Variants in ARHGAP39 observed in about 807,000 individuals in gnomAD.
ARHGAP39 encodes rho GTPase-activating protein 39.
A neutral mutation model predicts 106.9 loss-of-function variants in ARHGAP39; 44 were observed. That is an observed-to-expected ratio of 0.41 (90% CI 0.32 to 0.53). The LOEUF (loss-of-function observed/expected upper bound fraction) is 0.53, where lower values mean the gene tolerates loss of function less well. Ranked by LOEUF, ARHGAP39 falls within the 20% of genes least tolerant of loss-of-function variation. The probability of loss-of-function intolerance (pLI) is 0.21; values close to 1 mark genes in which losing one functional copy is unlikely to be tolerated. For synonymous variants in ARHGAP39, 768 were observed against 693.2 expected (o/e 1.11, Z -1.69); for missense variants, 1,496 against 1,577.3 (o/e 0.95, Z 0.87).
chr8:144,620,516 CGT>C (rs1445852673), intron 1 of ARHGAP39, among the ~76,000 whole-genome samples: 1 of 146,242 alleles, frequency 6.8e-6, no homozygotes, highest in Non-Finnish European at 1.5e-5. Context: ...CACGTGTGCC[CGT>C]GTGAGCCTGT....
intron 1 of ARHGAP39, among the ~76,000 whole-genome samples, chr8:144,675,496 C>T (rs1157425641): frequency 6.6e-6 from 1 of 152,148 alleles, no homozygotes; most frequent in Non-Finnish European, 1.5e-5. Context: ...TGCAGACCTT[C>T]GTGGTTAGTG....
At chr8:144,574,894 C>T (rs748998284) in intron 3 of ARHGAP39, among the ~76,000 whole-genome samples, 1 of 152,120 alleles carries the variant, frequency 6.6e-6, no homozygotes, top group Non-Finnish European at 1.5e-5. Flanking sequence ...CTGAGAAACA[C>T]GTCATCAGGC....
At chr8:144,566,979 G>A (rs891883236) in intron 3 of ARHGAP39, among the ~76,000 whole-genome samples, 1 of 152,056 alleles carries the variant, frequency 6.6e-6, no homozygotes. Flanking sequence ...ACAATGAAGT[G>A]GCAAAAAGGA....
At position 144,679,396 on chromosome 8, in the gene ARHGAP39, A is replaced by C. The variant is rs1278558028; in HGVS notation, c.-82+6290T>G. ...TCTGCCACTCTCTTGCCATAAAAAC[A>C]GCATGTGCCACATAAGGCCTGGTCC... On this transcript the variant is annotated intron_variant, in intron 1 of 11. Transcript: ENST00000377307. This position sits in a 1 kb window ranked among gnomAD's most constrained non-coding sequence, Gnocchi z 4.7. Among the ~76,000 whole-genome samples, 1 of 152,246 alleles carries C rather than the reference A, an allele frequency of 6.6e-6. No homozygotes were observed. Among genetic ancestry groups the C allele is most frequent in the Non-Finnish European group, 1.5e-5 (1 of 68,040 alleles).
intron 1 of ARHGAP39, among the ~76,000 whole-genome samples, chr8:144,676,387 G>C (rs772408934): frequency 5.3e-5 from 8 of 151,558 alleles, no homozygotes; most frequent in Non-Finnish European, 1.0e-4. Flanking sequence ...AGCACTGATT[G>C]GTGCGTTTAC....
At chr8:144,608,156 C>CA (rs60966946) in intron 1 of ARHGAP39, among the ~76,000 whole-genome samples, 1,823 of 95,356 alleles carry the variant, frequency 0.019, 31 homozygotes, top group African/African-American at 0.031. Flanking sequence ...GACTCTGTCT[C>CA]AAAAAAAAAA....
rs1342521909 is a variant in ARHGAP39 at position 144,630,453 on chromosome 8, A to G, written c.-81-24758T>C. 2.6e-5 allele frequency among the ~76,000 whole-genome samples: 4 copies of G among 152,234 alleles called. 1 individual carries two copies. Among genetic ancestry groups the G allele is most frequent in the Non-Finnish European group, 5.9e-5 (4 of 68,046 alleles). On this transcript the variant is annotated intron_variant, in intron 1 of 11. Transcript: ENST00000377307. ...CCCAGCCCTGGCCCCCAGCTTCTGC[A>G]GCCTCCTAAGGGTCTGGTCTCACCC...
chr8:144,605,748 A>G, intron 1 of ARHGAP39, 53 bp from the exon 2 acceptor site: 1 of 830,452 alleles, frequency 1.2e-6, no homozygotes. Context: ...TCACCACACC[A>G]ATCACCCGGC....
rs55945593 is a variant in ARHGAP39, at chr8:144,675,852, G to A, written c.-82+9834C>T. Reference sequence around the variant, plus strand: ...AAAGGCAGTGCATCTGGAGTTGTTCGTTCCCTCCGGTGGGTTCGTGGTCTT... The same window carrying A: ...AAAGGCAGTGCATCTGGAGTTGTTCATTCCCTCCGGTGGGTTCGTGGTCTT... On this transcript the variant is annotated intron_variant, in intron 1 of 11. Coordinates refer to ENST00000377307, the MANE Select transcript of ARHGAP39 (RefSeq NM_025251.3). 3.5e-4 allele frequency among the ~76,000 whole-genome samples: 53 copies of A among 151,466 alleles called. No homozygotes were observed. The East Asian group carries it at 8.4e-3, about 24-fold the overall frequency.
chr8:144,564,792 G>A (rs113462750), intron 3 of ARHGAP39, among the ~76,000 whole-genome samples: 1 of 150,602 alleles, frequency 6.6e-6, no homozygotes, highest in African/African-American at 2.5e-5. Flanking sequence ...ACCAGCCTGG[G>A]CAACATAGTG....
chr8:144,672,153 G>A (rs995940619), intron 1 of ARHGAP39, among the ~76,000 whole-genome samples: 2 of 152,212 alleles, frequency 1.3e-5, no homozygotes, highest in African/African-American at 2.4e-5. Flanking sequence ...CAACACAGCC[G>A]CAATTAAATA....
Position 144,545,645 on chromosome 8 carries a change from G to A in ARHGAP39, c.2125C>T (p.Leu709Phe). The A allele has an allele frequency of 6.2e-7, 1 of 1,613,698 alleles. No homozygotes were observed. The highest frequency in any genetic ancestry group is 8.5e-7 in the Non-Finnish European group (1 of 1,180,032). ...GCGATGGACACCTTCCGCCGGAAGA[G>A]GCCCTGCGTGTGCTTGTTGAAGTGC... ...SKHFNKHTQG[L>F]FRRKVSIANM... Residue 709 changes from leucine to phenylalanine, a missense_variant, in exon 6 of 12, where the codon CTC (leucine) becomes TTC (phenylalanine). Transcript: ENST00000377307.
chr8:144,611,699 T>C (rs981782211), intron 1 of ARHGAP39, among the ~76,000 whole-genome samples: 1 of 152,150 alleles, frequency 6.6e-6, no homozygotes, highest in African/African-American at 2.4e-5. Flanking sequence ...TTCTTTTACT[T>C]ATAACCTATT....
intron 1 of ARHGAP39, among the ~76,000 whole-genome samples, chr8:144,633,709 T>C (rs554230545): frequency 2.0e-5 from 3 of 152,256 alleles, no homozygotes; most frequent in East Asian, 3.9e-4. Flanking sequence ...TTTTAATAGA[T>C]AGAGTCTTGC....
At chr8:144,660,177 C>T (rs1412526081) in intron 1 of ARHGAP39, among the ~76,000 whole-genome samples, 1 of 152,174 alleles carries the variant, frequency 6.6e-6, no homozygotes, top group African/African-American at 2.4e-5. Context: ...CCTAGGTCTC[C>T]ACCACTGTCC....
At chr8:144,607,753 G>C (rs932802959) in intron 1 of ARHGAP39, among the ~76,000 whole-genome samples, 1 of 152,192 alleles carries the variant, frequency 6.6e-6, no homozygotes, top group East Asian at 1.9e-4. Context: ...CACTCACGCC[G>C]CTCACAAGCG....
Position 144,548,191 on chromosome 8 carries a change from A to C in ARHGAP39, c.895T>G (p.Ser299Ala). 1 of 1,583,176 alleles carries C rather than the reference A, an allele frequency of 6.3e-7. No individual in the cohort carries two copies. Among genetic ancestry groups the C allele is most frequent in the Non-Finnish European group, 8.6e-7 (1 of 1,163,680 alleles). ...LAQPRKPSGD[S>A]QPSSPRYGYE... ...CCATAGCGCGGGGAGGAGGGCTGCG[A>C]GTCCCCGGAGGGCTTTCGGGGCTGG... The change falls in exon 5 of 12, where the codon TCG becomes GCG. Residue 299 changes from serine (S) to alanine (A), a missense_variant. Physicochemically the swap from Ser to Ala is moderately conservative, Grantham distance 99 (BLOSUM62 1). Around this residue, in one of 4 missense-constraint regions of ARHGAP39, gnomAD observed 905 missense variants for 816.4 expected, o/e 1.11. Coordinates refer to ENST00000377307, the MANE Select transcript of ARHGAP39 (RefSeq NM_025251.3). This position sits in a 1 kb window ranked among gnomAD's most constrained non-coding sequence, Gnocchi z 7.4.
At chr8:144,695,160 C>T in the ARHGAP39 span, among the ~76,000 whole-genome samples, 7 of 141,092 alleles carry the variant, frequency 5.0e-5, no homozygotes, top group African/African-American at 8.1e-5. Context: ...CTGCAAGCTC[C>T]GCCTCCCGAG....
At position 144,604,374 on chromosome 8, in the gene ARHGAP39, C is replaced by G. The variant is rs756967119; in HGVS notation, c.80+1161G>C. Among the ~76,000 whole-genome samples, 1 of 152,160 alleles carries G rather than the reference C, an allele frequency of 6.6e-6. No individual in the cohort carries two copies. Among genetic ancestry groups the G allele is most frequent in the Non-Finnish European group, 1.5e-5 (1 of 68,032 alleles). On this transcript the variant is annotated intron_variant, in intron 2 of 11. Coordinates refer to ENST00000377307, the MANE Select transcript of ARHGAP39 (RefSeq NM_025251.3). This position sits in a 1 kb window ranked among gnomAD's most constrained non-coding sequence, Gnocchi z 4.1. ...AGACAAACCCAAACCAAGGAACTCT[C>G]TATTTTACTTTATTTACTGTGACAC...
Sources: allele counts gnomAD v4.1 joint callset (sites outside exome capture counted in the v4.1 genomes callset), GRCh38; gene constraint gnomAD v4.1.1; regional missense constraint gnomAD v4.1.1; non-coding constraint Gnocchi (gnomAD v3.1); transcripts MANE v1.5; gene names NCBI Gene and HGNC (gene_info 2026-07-23, HGNC 2026-07-21).